Variants in GPC6 observed in about 807,000 individuals in gnomAD.
The protein encoded by GPC6 is glypican-6.
A neutral mutation model predicts 55.2 loss-of-function variants in GPC6; 14 were observed. The ratio of observed to expected loss-of-function variants is 0.25; its 90% CI spans 0.17 to 0.40. The LOEUF (loss-of-function observed/expected upper bound fraction) is 0.40, where lower values mean the gene tolerates loss of function less well. Ranked by LOEUF, GPC6 falls within the 10% of genes least tolerant of loss-of-function variation. GPC6 has a pLI of 1.00. For synonymous variants in GPC6, 278 were observed against 259.6 expected (o/e 1.07, Z -0.68); for missense variants, 641 against 708.5 (o/e 0.90, Z 1.08).
At chr13:93,438,969 A>G (rs1285659973) in intron 1 of GPC6, among the ~76,000 whole-genome samples, 1 of 152,188 alleles carries the variant, frequency 6.6e-6, no homozygotes. Context: ...AGTCATCAAT[A>G]TTGAAGCAAG....
intron 1 of GPC6, among the ~76,000 whole-genome samples, chr13:93,271,024 C>T (rs1450425328): frequency 6.6e-6 from 1 of 152,142 alleles, no homozygotes; most frequent in Non-Finnish European, 1.5e-5. Context: ...CTGCTGTGTT[C>T]CTTCTGGGCA....
In GPC6 at chr13:93,227,647, G is replaced by T. The variant is rs368803238; in HGVS notation, c.160+31G>T. 49 of 1,549,736 alleles carry T rather than the reference G, an allele frequency of 3.2e-5. 1 individual carries two copies. Among genetic ancestry groups the T allele is most frequent in the Middle Eastern group, 4.5e-4 (2 of 4,416 alleles). On this transcript the variant is annotated intron_variant, in intron 1 of 8. Coordinates refer to ENST00000377047, the MANE Select transcript of GPC6 (RefSeq NM_005708.5). This position sits in a 1 kb window ranked among gnomAD's most constrained non-coding sequence, Gnocchi z 4.3. ...CGCGGGCGCGCTGCAGGGGCAGGCTGCAGCCCTCGGCTGCCGCACGTCCCA... is the reference window on the plus strand; with the variant it reads ...CGCGGGCGCGCTGCAGGGGCAGGCTTCAGCCCTCGGCTGCCGCACGTCCCA...
At chr13:93,619,945 C>T (rs1878880451) in intron 2 of GPC6, among the ~76,000 whole-genome samples, 1 of 151,860 alleles carries the variant, frequency 6.6e-6, no homozygotes, top group African/African-American at 2.4e-5. Flanking sequence ...ATATTAAATA[C>T]ATTCTAAATA....
intron 3 of GPC6, among the ~76,000 whole-genome samples, chr13:93,994,452 G>A (rs1881447919): frequency 6.6e-6 from 1 of 152,000 alleles, no homozygotes; most frequent in Admixed American, 6.6e-5. Flanking sequence ...GCACATTTTT[G>A]GTTTTGCCCT....
chr13:93,275,929 C>A (rs976892195), intron 1 of GPC6, among the ~76,000 whole-genome samples: 3 of 152,070 alleles, frequency 2.0e-5, no homozygotes, highest in African/African-American at 7.2e-5. Flanking sequence ...GGCTGGAGTG[C>A]GGCGGCGCGA....
At chr13:93,633,948 C>A (rs962747120) in intron 2 of GPC6, among the ~76,000 whole-genome samples, 6 of 152,030 alleles carry the variant, frequency 3.9e-5, no homozygotes, top group African/African-American at 1.4e-4. Context: ...ACATATGTTT[C>A]CCACTGCTTT....
intron 2 of GPC6, among the ~76,000 whole-genome samples, chr13:93,797,294 C>T (rs553609396): frequency 6.6e-6 from 1 of 152,152 alleles, no homozygotes; most frequent in Non-Finnish European, 1.5e-5. Context: ...TGTATAATTT[C>T]TTATGAATGA....
intron 2 of GPC6, among the ~76,000 whole-genome samples, chr13:93,770,546 C>T (rs1413511875): frequency 1.3e-5 from 2 of 152,164 alleles, no homozygotes; most frequent in African/African-American, 2.4e-5. Flanking sequence ...TGGACTTTCT[C>T]TCTCTGACTC....
intron 2 of GPC6, among the ~76,000 whole-genome samples, chr13:93,813,643 C>A (rs958140905): frequency 6.6e-6 from 1 of 151,628 alleles, no homozygotes; most frequent in African/African-American, 2.4e-5. Flanking sequence ...AATGGGATGA[C>A]CATGATATTT....
At chr13:93,725,445 A>G (rs914551072) in intron 2 of GPC6, among the ~76,000 whole-genome samples, 4 of 152,084 alleles carry the variant, frequency 2.6e-5, no homozygotes, top group African/African-American at 4.8e-5. Flanking sequence ...TATCAAATAA[A>G]CAAAAGAATG....
At chr13:93,247,426 T>A (rs948004836) in intron 1 of GPC6, among the ~76,000 whole-genome samples, 1 of 152,210 alleles carries the variant, frequency 6.6e-6, no homozygotes, top group Non-Finnish European at 1.5e-5. Flanking sequence ...CAACTATATT[T>A]GCCTTGAACT....
chr13:94,114,686 A>G (rs1205661766), intron 4 of GPC6, among the ~76,000 whole-genome samples: 1 of 152,170 alleles, frequency 6.6e-6, no homozygotes, highest in Admixed American at 6.6e-5. Context: ...ATTGAAGCTT[A>G]CATATTCCTA....
chr13:93,945,378 C>T lies in GPC6; in HGVS notation c.712-82351C>T, dbSNP rs148820661. Among the ~76,000 whole-genome samples, 259 of 152,264 alleles carry T rather than the reference C, an allele frequency of 1.7e-3. 1 individual carries two copies. Among genetic ancestry groups the T allele is most frequent in the African/African-American group, 5.9e-3 (247 of 41,556 alleles). On this transcript the variant is annotated intron_variant, in intron 3 of 8. Coordinates refer to ENST00000377047, the MANE Select transcript of GPC6 (RefSeq NM_005708.5). ...TGCCTGCAAGGGAGTCAGCCATCAT[C>T]ACTTGTATTTGGCAGACTCAAAGTC...
At chr13:93,594,571 TA>T (rs1877643071) in intron 2 of GPC6, among the ~76,000 whole-genome samples, 1 of 152,090 alleles carries the variant, frequency 6.6e-6, no homozygotes, top group Non-Finnish European at 1.5e-5. Flanking sequence ...ATGCAGGCTC[TA>T]AGATCAGAGA....
intron 3 of GPC6, among the ~76,000 whole-genome samples, chr13:93,954,887 C>G (rs764236425): frequency 1.4e-4 from 22 of 152,264 alleles, no homozygotes; most frequent in Non-Finnish European, 2.5e-4. Flanking sequence ...TTAATATCCA[C>G]CACCTTCTAG....
intron 1 of GPC6, among the ~76,000 whole-genome samples, chr13:93,284,004 A>T (rs911765976): frequency 2.0e-5 from 3 of 152,234 alleles, no homozygotes; most frequent in African/African-American, 7.2e-5. Flanking sequence ...ACAACTGTAC[A>T]TAAAGGCTCA....
At chr13:94,387,818 A>T (rs978009738) in intron 7 of GPC6, among the ~76,000 whole-genome samples, 3 of 151,648 alleles carry the variant, frequency 2.0e-5, no homozygotes, top group African/African-American at 7.3e-5. Flanking sequence ...AGAGAGCCCT[A>T]ATCAGACACA....
At chr13:94,269,295 A>G (rs1054296848) in intron 4 of GPC6, among the ~76,000 whole-genome samples, 1 of 152,166 alleles carries the variant, frequency 6.6e-6, no homozygotes, top group Admixed American at 6.5e-5. Flanking sequence ...ACGCACAGCT[A>G]GATAATGCTG....
chr13:94,162,167 G>A (rs1317144038), intron 4 of GPC6, among the ~76,000 whole-genome samples: 1 of 152,058 alleles, frequency 6.6e-6, no homozygotes, highest in Admixed American at 6.6e-5. Context: ...TCTCAAAACT[G>A]AGGAGTCAAG....
Sources: allele counts gnomAD v4.1 joint callset (sites outside exome capture counted in the v4.1 genomes callset), GRCh38; gene constraint gnomAD v4.1.1; non-coding constraint Gnocchi (gnomAD v3.1); transcripts MANE v1.5; gene names NCBI Gene and HGNC (gene_info 2026-07-23, HGNC 2026-07-21).